MGST1: variants seen among roughly 807,000 people sequenced by gnomAD.
MGST1 encodes the protein glutathione S-transferase 12.
A neutral mutation model predicts 8.9 loss-of-function variants in MGST1; 5 were observed. That is an observed-to-expected ratio of 0.56 (90% CI 0.29 to 1.19). MGST1 has a LOEUF of 1.19. Among genes scored for constraint, MGST1 ranks in the 50% most tolerant of loss-of-function variants. MGST1 has a pLI of 0.08. For synonymous variants in MGST1, 54 were observed against 67.8 expected, an observed-to-expected ratio of 0.80 and a Z score of 1.00; for missense variants, 182 against 187.4, an observed-to-expected ratio of 0.97 and a Z score of 0.17.
At chr12:16,502,260 GTTAGCAAATTTTTCAGACAT>G (rs1173259108) in intron 4 of MGST1, among the ~76,000 whole-genome samples, 1 of 152,172 alleles carries the variant, frequency 6.6e-6, no homozygotes, top group Admixed American at 6.5e-5. Context: ...ATTCCATTAA[GTTAGCAAATTTTTCAGACAT>G]TTAGGCTGAC....
chr12:16,515,796 G>C (rs1170989726), intron 4 of MGST1, among the ~76,000 whole-genome samples: 1 of 152,076 alleles, frequency 6.6e-6, no homozygotes, highest in African/African-American at 2.4e-5. Flanking sequence ...TGTTGTCTCT[G>C]ACCAGTTGGA....
intron 1 of MGST1, among the ~76,000 whole-genome samples, chr12:16,385,189 T>C (rs1001081883): frequency 6.6e-5 from 10 of 152,176 alleles, no homozygotes; most frequent in Middle Eastern, 3.2e-3. Flanking sequence ...GCCTCCCCAG[T>C]ATAAAGTTCT....
chr12:16,462,063 G>GA (rs1157738817), intron 4 of MGST1, among the ~76,000 whole-genome samples: 4 of 151,696 alleles, frequency 2.6e-5, no homozygotes, highest in Non-Finnish European at 4.4e-5. Context: ...TGAACAGCTG[G>GA]AAAAAAAACC....
In MGST1 at chr12:16,586,666, T is replaced by A. The variant is rs1041537462; in HGVS notation, n.483-2862T>A. Reference sequence around the variant, plus strand: ...AGGATGTGGCAATAAGGCTATACCGTCGGGGTAGAGATTTCAAGATACACA... The same window carrying A: ...AGGATGTGGCAATAAGGCTATACCGACGGGGTAGAGATTTCAAGATACACA... On this transcript the variant is annotated intron_variant and non_coding_transcript_variant, in intron 4 of 4. Transcript: ENST00000538857. This position sits in a 1 kb window ranked among gnomAD's most constrained non-coding sequence, Gnocchi z 4.3. Among the ~76,000 whole-genome samples, 1 of 152,154 alleles carries A rather than the reference T, an allele frequency of 6.6e-6. No homozygotes were observed. The highest frequency in any genetic ancestry group is 1.5e-5 in the Non-Finnish European group (1 of 68,024).
intron 4 of MGST1, among the ~76,000 whole-genome samples, chr12:16,487,997 A>G (rs1350902894): frequency 1.3e-5 from 2 of 152,214 alleles, no homozygotes; most frequent in Non-Finnish European, 2.9e-5. Flanking sequence ...CATCTGTACT[A>G]TAAGGAATTT....
At chr12:16,400,643 A>AAAGTCGCT in intron 1 of MGST1, 1 of 1,485,122 alleles carries the variant, frequency 6.7e-7, no homozygotes, top group Non-Finnish European at 9.4e-7. Flanking sequence ...TTCTTTGACA[A>AAAGTCGCT]AAGTCGCTTC....
Position 16,517,652 on chromosome 12 carries a change from A to G in MGST1, n.483-71876A>G, listed in dbSNP as rs545099152. On this transcript the variant is annotated intron_variant and non_coding_transcript_variant, in intron 4 of 4. Coordinates refer to the MGST1 transcript ENST00000538857. This position sits in a 1 kb window ranked among gnomAD's most constrained non-coding sequence, Gnocchi z 4.2. ...CAGCAGGTAAGCAAATCATGGAACA[A>G]TGGCCATGACAGAGTGTTGCAAGCC... is the stretch of plus-strand genomic sequence containing the variant. 1.8e-4 allele frequency among the ~76,000 whole-genome samples: 27 copies of G among 152,340 alleles called. No individual in the cohort carries two copies. In the East Asian group the frequency reaches 3.7e-3, roughly 21 times the overall value.
chr12:16,397,701 A>G (rs1940617217), intron 1 of MGST1, among the ~76,000 whole-genome samples: 2 of 151,598 alleles, frequency 1.3e-5, no homozygotes, highest in Admixed American at 6.6e-5. Flanking sequence ...ATCACTAATG[A>G]TCAGTAATGA....
At chr12:16,428,571 C>G (rs1023089067) in intron 1 of MGST1, among the ~76,000 whole-genome samples, 7 of 151,640 alleles carry the variant, frequency 4.6e-5, no homozygotes, top group African/African-American at 1.5e-4. Context: ...ACTGATATTG[C>G]ATCTGTATGA....
downstream of MGST1, among the ~76,000 whole-genome samples, chr12:16,380,259 G>C (rs1018383476): frequency 6.7e-6 from 1 of 150,300 alleles, no homozygotes; most frequent in Non-Finnish European, 1.5e-5. Context: ...GGTCTTTCCT[G>C]CTTTCTCTTG....
At chr12:16,524,075 C>T (rs1312562241) in intron 4 of MGST1, among the ~76,000 whole-genome samples, 1 of 152,062 alleles carries the variant, frequency 6.6e-6, no homozygotes, top group Non-Finnish European at 1.5e-5. Context: ...TCAGTTCAGA[C>T]TTTAAGTTGC....
chr12:16,501,098 GAAA>G (rs71054822), intron 4 of MGST1, among the ~76,000 whole-genome samples: 7 of 83,786 alleles, frequency 8.4e-5, no homozygotes, highest in East Asian at 3.4e-4. Flanking sequence ...ACTCTGTCTC[GAAA>G]AAAAAAAAAA....
At chr12:16,378,243 T>A (rs1448441996), downstream of MGST1, among the ~76,000 whole-genome samples, 2 of 151,494 alleles carry the variant, frequency 1.3e-5, no homozygotes, top group Admixed American at 6.6e-5. Context: ...CTGAATGGTA[T>A]TGCCTAGGTT....
intron 4 of MGST1, among the ~76,000 whole-genome samples, chr12:16,480,142 CTTTTT>C (rs57998683): frequency 1.5e-5 from 2 of 129,940 alleles, no homozygotes; most frequent in African/African-American, 2.8e-5. Context: ...TAAAAATTTG[CTTTTT>C]TTTTTTTTTT....
At chr12:16,371,016 A>G (rs537888386) in intron 3 of MGST1, among the ~76,000 whole-genome samples, 1 of 152,134 alleles carries the variant, frequency 6.6e-6, no homozygotes, top group Admixed American at 6.6e-5. Context: ...AAATGAAATG[A>G]TTGTTACTTT....
rs144416440 is a variant in MGST1, at chr12:16,500,289, G to A, written n.483-89239G>A. 4.7e-4 allele frequency among the ~76,000 whole-genome samples: 71 copies of A among 152,268 alleles called. No homozygotes were observed. Among genetic ancestry groups the A allele is most frequent in the Admixed American group, 2.4e-3 (37 of 15,288 alleles). ...AATGAAGCAAAGTGTAACTACGATA[G>A]TTGGAAAATATAAAATATTTGGCTG... is the stretch of plus-strand genomic sequence containing the variant. On this transcript the variant is annotated intron_variant and non_coding_transcript_variant, in intron 4 of 4. Coordinates refer to the MGST1 transcript ENST00000538857. The surrounding 1 kb of genome is among the most constrained non-coding windows in gnomAD (Gnocchi z 4.3).
chr12:16,399,478 C>T, intron 1 of MGST1: 1 of 1,556,044 alleles, frequency 6.4e-7, no homozygotes, highest in Non-Finnish European at 8.9e-7. Context: ...TTTCCACTCT[C>T]TTCTTCACTA....
rs1217079553 is a variant in MGST1 at position 16,537,956 on chromosome 12, C to T, written n.483-51572C>T. Among the ~76,000 whole-genome samples, 2 of 152,222 alleles carry T rather than the reference C, an allele frequency of 1.3e-5. No individual in the cohort carries two copies. Among genetic ancestry groups the T allele is most frequent in the African/African-American group, 4.8e-5 (2 of 41,460 alleles). The stretch of plus-strand genomic sequence containing the variant: ...GGCTCCTTGTTACTTATGCAAATTT[C>T]TGCAGCCAGCTTGAATTTCTTCTCA... On this transcript the variant is annotated intron_variant and non_coding_transcript_variant, in intron 4 of 4. Transcript: ENST00000538857. This position sits in a 1 kb window ranked among gnomAD's most constrained non-coding sequence, Gnocchi z 4.6.
intron 1 of MGST1, among the ~76,000 whole-genome samples, chr12:16,396,826 G>A (rs544497598): frequency 1.1e-4 from 16 of 152,176 alleles, no homozygotes; most frequent in African/African-American, 2.9e-4. Flanking sequence ...GTTCTTGAAT[G>A]GGTAGAATCA....
Sources: gnomAD v4.1 joint callset for allele counts (sites outside exome capture counted in the v4.1 genomes callset) on GRCh38, gnomAD v4.1.1 for gene constraint, Gnocchi (gnomAD v3.1) non-coding constraint, MANE v1.5 for transcripts, NCBI Gene and HGNC (gene_info 2026-07-23, HGNC 2026-07-21) for gene names.